TPH1: variants seen among roughly 807,000 people sequenced by gnomAD.
TPH1 encodes the protein tryptophan hydroxylase 1.
In TPH1, 37 loss-of-function variants were observed where a neutral mutation model predicts 49.5. That is an observed-to-expected ratio of 0.75 (90% CI 0.58 to 0.98). The LOEUF (loss-of-function observed/expected upper bound fraction) is 0.98. TPH1 is among the 50% of genes least tolerant of loss of function. The pLI, the probability that TPH1 is intolerant of heterozygous loss-of-function variation, is 0.00. For missense variants in TPH1, 487 were observed against 523.6 expected (o/e 0.93, Z 0.68); for synonymous variants, 160 against 182.1 (o/e 0.88, Z 0.98).
chr11:18,040,705 G>A lies in TPH1; in HGVS notation c.58C>T (p.Leu20Phe). Reference sequence around the variant, plus strand: ...ACTTCATTCTTTAAGGAAAAAATGAGACTTGCTCTTCCCCTTTCTAAGGAA... The same window carrying A: ...ACTTCATTCTTTAAGGAAAAAATGAAACTTGCTCTTCCCCTTTCTAAGGAA... ...DHSLERGRASLIFSLKNEVGG... is the reference protein window; with the variant it reads ...DHSLERGRASFIFSLKNEVGG... Residue 20 changes from leucine (L) to phenylalanine (F), a missense_variant, in exon 2 of 11, where the codon CTC (leucine) becomes TTC (phenylalanine). Physicochemically the swap from Leu to Phe is conservative, Grantham distance 22. Coordinates refer to ENST00000682019, the MANE Select transcript of TPH1 (RefSeq NM_004179.3). 1 of 1,612,216 alleles carries A rather than the reference G, an allele frequency of 6.2e-7. No individual in the cohort carries two copies. Among genetic ancestry groups the A allele is most frequent in the South Asian group, 1.1e-5 (1 of 90,964 alleles).
chr11:18,039,821 AT>A (rs1848083111), intron 2 of TPH1, among the ~76,000 whole-genome samples: 1 of 152,126 alleles, frequency 6.6e-6, no homozygotes, highest in Admixed American at 6.6e-5. Context: ...ACTGATCCAT[AT>A]TTTTAAGACA....
intron 6 of TPH1, among the ~76,000 whole-genome samples, chr11:18,027,035 A>C (rs1435533383): frequency 6.6e-6 from 1 of 152,194 alleles, no homozygotes; most frequent in Non-Finnish European, 1.5e-5. Context: ...TCTTTTTGTA[A>C]AAAATCATTA....
At chr11:18,026,383 C>T in intron 7 of TPH1, 107 bp downstream of exon 7, 4 of 1,121,718 alleles carry the variant, frequency 3.6e-6, no homozygotes, top group Non-Finnish European at 2.5e-6. Context: ...TTTATTTAAT[C>T]CTCGCACACC....
intron 1 of TPH1, among the ~76,000 whole-genome samples, chr11:18,042,727 T>G (rs935414433): frequency 1.3e-5 from 2 of 152,190 alleles, no homozygotes; most frequent in Admixed American, 1.3e-4. Context: ...TGTCCCAAAT[T>G]TTCCAGTTTT....
Position 18,036,077 on chromosome 11 carries a change from C to A in TPH1, c.183G>T (p.Glu61Asp), listed in dbSNP as rs1848045968. ...TGTTGATGTCACAGTCAACAAAAAT[C>A]TCAAATTCTGAGTTTCTTCTTTTTG... Reference protein sequence around the residue: ...RKSKRRNSEFEIFVDCDINRE... With the variant: ...RKSKRRNSEFDIFVDCDINRE... The change falls in exon 3 of 11, where the codon GAG becomes GAT. Residue 61 changes from glutamate (E) to aspartate (D), a missense_variant. By Grantham distance (45) the Glu-to-Asp change is conservative (BLOSUM62 2). Coordinates refer to ENST00000682019, the MANE Select transcript of TPH1 (RefSeq NM_004179.3). 2 of 1,613,182 alleles carry A rather than the reference C, an allele frequency of 1.2e-6. No homozygotes were observed. The highest frequency in any genetic ancestry group is 1.7e-5 in the Admixed American group (1 of 59,986).
intron 4 of TPH1, among the ~76,000 whole-genome samples, chr11:18,030,707 A>G (rs1847979588): frequency 6.6e-6 from 1 of 152,196 alleles, no homozygotes; most frequent in South Asian, 2.1e-4. Context: ...TGTGTGGTTC[A>G]GGGAAGGCTT....
chr11:18,024,052 G>T, intron 8 of TPH1, 69 bp from the exon 9 acceptor site: 1 of 1,221,316 alleles, frequency 8.2e-7, no homozygotes. Context: ...ACAATTCTTA[G>T]TCACTGACCC....
intron 2 of TPH1, among the ~76,000 whole-genome samples, chr11:18,039,087 G>C (rs1590267886): frequency 6.6e-6 from 1 of 152,320 alleles, no homozygotes; most frequent in East Asian, 1.9e-4. Flanking sequence ...GAGTGGGACT[G>C]AGAATATGGT....
chr11:18,045,232 T>A (rs966316760), intron 1 of TPH1, among the ~76,000 whole-genome samples: 2 of 152,054 alleles, frequency 1.3e-5, no homozygotes, highest in African/African-American at 4.8e-5. Flanking sequence ...CTCTACGGAG[T>A]CTTGATTTTC....
At chr11:18,039,628 T>C (rs887432953) in intron 2 of TPH1, among the ~76,000 whole-genome samples, 1 of 152,234 alleles carries the variant, frequency 6.6e-6, no homozygotes, top group Non-Finnish European at 1.5e-5. Context: ...TTCTGTTTCA[T>C]GTCACTTTAC....
At chr11:18,025,360 T>C (rs1847917473) in intron 8 of TPH1, among the ~76,000 whole-genome samples, 1 of 152,132 alleles carries the variant, frequency 6.6e-6, no homozygotes, top group Non-Finnish European at 1.5e-5. Flanking sequence ...TTCTCTTTCT[T>C]TTCTCTTTTT....
At chr11:18,040,330 A>T (rs908729061) in intron 2 of TPH1, among the ~76,000 whole-genome samples, 2 of 147,398 alleles carry the variant, frequency 1.4e-5, no homozygotes, top group South Asian at 2.1e-4. Context: ...ATAATATATA[A>T]AAATTATATA....
At chr11:18,029,892 G>C (rs985965849) in intron 4 of TPH1, among the ~76,000 whole-genome samples, 1 of 152,116 alleles carries the variant, frequency 6.6e-6, no homozygotes, top group East Asian at 1.9e-4. Context: ...TTTTCCAAGG[G>C]TGAGGGGTTT....
intron 3 of TPH1, among the ~76,000 whole-genome samples, chr11:18,033,749 T>C (rs1042678109): frequency 1.3e-5 from 2 of 152,216 alleles, no homozygotes; most frequent in African/African-American, 2.4e-5. Context: ...AAAAACTTCA[T>C]TTATTTTTGC....
At chr11:18,025,836 A>G in intron 7 of TPH1, 135 bp from the exon 8 acceptor site, 17 of 1,338,550 alleles carry the variant, frequency 1.3e-5, no homozygotes, top group Non-Finnish European at 1.8e-5. Flanking sequence ...CACAAAGGAC[A>G]CTAATCAAAT....
At position 18,025,580 on chromosome 11, in the gene TPH1, C is replaced by T; in HGVS notation, c.925G>A (p.Ala309Thr). The change falls in exon 8 of 11, where the codon GCA becomes ACA. Residue 309 changes from alanine (A) to threonine (T), a missense_variant. Transcript: ENST00000682019. ...GASEEAVQKL[A>T]TCYFFTVEFG... ...AGCTAATTCCAGATTTATACCGTTG[C>T]CAGTTTTTGAACAGCCTCCTCTGAA... The T allele has an allele frequency of 6.2e-7, 1 of 1,613,884 alleles. No individual in the cohort carries two copies. The highest frequency in any genetic ancestry group is 8.5e-7 in the Non-Finnish European group (1 of 1,179,786).
At chr11:18,043,731 T>C (rs1848117895) in intron 1 of TPH1, among the ~76,000 whole-genome samples, 1 of 152,192 alleles carries the variant, frequency 6.6e-6, no homozygotes, top group African/African-American at 2.4e-5. Context: ...CTGGGCATAG[T>C]GGCTTTCACC....
Position 18,036,109 on chromosome 11 carries a change from G to T in TPH1, c.151C>A (p.Arg51=). 6.2e-7 allele frequency: 1 copy of T among 1,613,070 alleles called. No homozygotes were observed. Among genetic ancestry groups the T allele is most frequent in the African/African-American group, 1.3e-5 (1 of 74,938 alleles). The part of the protein sequence containing the change: ...KHVNLLHIES[R]KSKRRNSEFE... ...TCTGAGTTTCTTCTTTTTGATTTTC[G>T]GGACTCGATATGTAACAGATTCACA... Residue 51 remains arginine (R), a synonymous_variant, in exon 3 of 11, where the codon CGA becomes AGA. Coordinates refer to ENST00000682019, the MANE Select transcript of TPH1 (RefSeq NM_004179.3).
At chr11:18,023,482 A>C (rs1170213170) in intron 9 of TPH1, among the ~76,000 whole-genome samples, 1 of 152,154 alleles carries the variant, frequency 6.6e-6, no homozygotes, top group Admixed American at 6.6e-5. Flanking sequence ...TTTTACTTAA[A>C]ATATACACAT....
Sources: allele counts gnomAD v4.1 joint callset (sites outside exome capture counted in the v4.1 genomes callset), GRCh38; gene constraint gnomAD v4.1.1; transcripts MANE v1.5; gene names NCBI Gene and HGNC (gene_info 2026-07-23, HGNC 2026-07-21).